PHB2: variants seen among roughly 807,000 people sequenced by gnomAD.
PHB2 encodes prohibitin 2, also known as prohibitin-2.
A neutral mutation model predicts 46.4 loss-of-function variants in PHB2; 22 were observed. That is an observed-to-expected ratio of 0.47 (90% CI 0.34 to 0.68). The LOEUF (loss-of-function observed/expected upper bound fraction) is 0.68, where lower values mean the gene tolerates loss of function less well. Ranked by LOEUF, PHB2 falls within the 30% of genes least tolerant of loss-of-function variation. The probability of loss-of-function intolerance (pLI) is 0.01; values close to 1 mark genes in which losing one functional copy is unlikely to be tolerated. For missense variants in PHB2, 305 were observed against 382.8 expected (o/e 0.80, Z 1.70); for synonymous variants, 156 against 150.5 (o/e 1.04, Z -0.27).
In PHB2 at chr12:6,970,255, G is replaced by T; in HGVS notation, c.153C>A (p.Phe51Leu). ...FTVEGGHRAI[F>L]FNRIGGVQQD... ...GCTGCACTCCACCGATCCGATTGAA[G>T]AAGATGGCTCTGTGCCCGCCTTCCA... Residue 51 changes from phenylalanine to leucine, a missense_variant, in exon 2 of 10, where the codon TTC becomes TTA. Phe to Leu is a conservative substitution (Grantham distance 22). This residue lies in a region of PHB2 where 4 missense variants were observed against 19.2 expected (regional missense o/e 0.21). Transcript: ENST00000535923. The T allele has an allele frequency of 6.2e-7, 1 of 1,613,846 alleles. No individual in the cohort carries two copies. Among genetic ancestry groups the T allele is most frequent in the Non-Finnish European group, 8.5e-7 (1 of 1,179,864 alleles).
intron 3 of PHB2, 94 bp from the exon 4 acceptor site, chr12:6,968,689 G>T: frequency 2.0e-6 from 2 of 981,800 alleles, no homozygotes; most frequent in Non-Finnish European, 3.2e-6. Context: ...CTGTGCAATG[G>T]TGTACAGCCT....
At position 6,967,029 on chromosome 12, in the gene PHB2, G is replaced by A. The variant is rs1305836247; in HGVS notation, c.789+142C>T. ...CTCCCAAAGTGCGGGGATTACATGC[G>A]TGAGCCACCGCGCCGGCCAGAGAAG... On this transcript the variant is annotated intron_variant, in intron 7 of 9. Transcript: ENST00000535923. The surrounding 1 kb of genome is among the most constrained non-coding windows in gnomAD (Gnocchi z 4.9). 1.9e-5 allele frequency: 13 copies of A among 701,954 alleles called. No individual in the cohort carries two copies. Among genetic ancestry groups the A allele is most frequent in the African/African-American group, 7.1e-5 (4 of 56,674 alleles). The allele number at this position is 701,954 out of a possible 1,614,324, so 43.5% of individuals were successfully genotyped here. A position where few individuals can be genotyped will look rare whatever the true frequency, so the allele number is the denominator to read the frequency against.
At chr12:6,968,111 T>G in intron 4 of PHB2, 90 bp from the exon 5 acceptor site, 1 of 1,155,876 alleles carries the variant, frequency 8.7e-7, no homozygotes. Context: ...CCCTTCACTC[T>G]CAATACAACA....
chr12:6,969,343 G>A (rs1051278383), intron 3 of PHB2, among the ~76,000 whole-genome samples, 155 bp downstream of exon 3: 6 of 152,208 alleles, frequency 3.9e-5, no homozygotes, highest in African/African-American at 1.4e-4. Context: ...TTCAGAATTT[G>A]CTGCTTTGAC....
intron 7 of PHB2, 88 bp from the exon 8 acceptor site, chr12:6,966,588 C>T (rs1946214905): frequency 2.4e-6 from 2 of 841,022 alleles, no homozygotes; most frequent in Non-Finnish European, 2.1e-6. Context: ...TAACATGGAA[C>T]ACATGCAGAT....
At chr12:6,969,403 C>A (rs1040250349) in intron 3 of PHB2, 95 bp downstream of exon 3, 8 of 627,750 alleles carry the variant, frequency 1.3e-5, no homozygotes, top group Admixed American at 5.2e-5. Flanking sequence ...TGGAAAGAGG[C>A]CTAAAGGCCT....
chr12:6,968,973 C>T (rs1276827146), intron 3 of PHB2, among the ~76,000 whole-genome samples: 8 of 152,160 alleles, frequency 5.3e-5, no homozygotes, highest in South Asian at 2.1e-4. Flanking sequence ...AATGAATAAG[C>T]GACCTGCACT....
intron 7 of PHB2, among the ~76,000 whole-genome samples, chr12:6,966,888 C>G (rs1946219764): frequency 6.6e-6 from 1 of 152,166 alleles, no homozygotes; most frequent in Non-Finnish European, 1.5e-5. Flanking sequence ...GGGAATATAG[C>G]TAAACGCCAC....
Position 6,967,342 on chromosome 12 carries a change from G to A in PHB2, c.712-94C>T. On this transcript the variant is annotated intron_variant, in intron 6 of 9. Coordinates refer to ENST00000535923, the MANE Select transcript of PHB2 (RefSeq NM_001144831.2). The surrounding 1 kb of genome is among the most constrained non-coding windows in gnomAD (Gnocchi z 4.9). ...GCTCCAGTCCTCCTCTGGGCTGTCA[G>A]ATCCAAGGTTGCGCTCAGGTGGCTT... 1 of 1,611,666 alleles carries A rather than the reference G, an allele frequency of 6.2e-7. No homozygotes were observed.
At position 6,970,354 on chromosome 12, in the gene PHB2, G is replaced by A. The variant is rs1591704126; in HGVS notation, c.127+63C>T. 2.5e-6 allele frequency: 4 copies of A among 1,603,690 alleles called. No individual in the cohort carries two copies. In the East Asian group the frequency reaches 8.9e-5, roughly 36 times the overall value. On this transcript the variant is annotated intron_variant, in intron 1 of 9. Coordinates refer to ENST00000535923, the MANE Select transcript of PHB2 (RefSeq NM_001144831.2). The stretch of plus-strand genomic sequence containing the variant: ...TGCTAGGCCCGTGGAGGGGCGCGGG[G>A]ACAGGGCAAGGGGTTTGGGGGAGGG...
In PHB2 at chr12:6,967,197, G is replaced by A; in HGVS notation, c.763C>T (p.Arg255Ter). 5 of 1,597,708 alleles carry A rather than the reference G, an allele frequency of 3.1e-6. No individual in the cohort carries two copies. Among genetic ancestry groups the A allele is most frequent in the Non-Finnish European group, 4.3e-6 (5 of 1,171,822 alleles). ...NPGYIKLRKIRAAQNISKTIA... is the reference protein window; with the variant it reads ...NPGYIKLRKI ...GTCTTGGAGATATTCTGGGCTGCTC[G>A]AATCTTGCGAAGTTTGATGTAGCCA... Residue 255 changes from arginine (R) to a stop codon, truncating the protein, a stop_gained, in exon 7 of 10, where the codon CGA becomes TGA. Coordinates refer to ENST00000535923, the MANE Select transcript of PHB2 (RefSeq NM_001144831.2). LOFTEE classifies it high-confidence loss of function. This position sits in a 1 kb window ranked among gnomAD's most constrained non-coding sequence, Gnocchi z 4.9.
chr12:6,967,844 C>T lies in PHB2; in HGVS notation c.607+48G>A. ...AGGAGCCCCACCCATGGAGTCTTTC[C>T]TCCTCCTGCATCTCAGAAGCCCTCA... On this transcript the variant is annotated intron_variant, in intron 5 of 9. Coordinates refer to ENST00000535923, the MANE Select transcript of PHB2 (RefSeq NM_001144831.2). The surrounding 1 kb of genome is among the most constrained non-coding windows in gnomAD (Gnocchi z 4.9). The T allele has an allele frequency of 6.2e-7, 1 of 1,610,286 alleles. No homozygotes were observed. The highest frequency in any genetic ancestry group is 8.5e-7 in the Non-Finnish European group (1 of 1,177,286).
chr12:6,966,256 A>T (rs782236392), intron 8 of PHB2, among the ~76,000 whole-genome samples, 168 bp downstream of exon 8: 1 of 152,236 alleles, frequency 6.6e-6, no homozygotes, highest in Non-Finnish European at 1.5e-5. Context: ...GATCTCATAA[A>T]ATCAATCCTA....
rs782611701 is a variant in PHB2, at chr12:6,967,185, T to C, written c.775A>G (p.Asn259Asp). The change falls in exon 7 of 10, where the codon AAT (asparagine) becomes GAT (aspartate). Residue 259 changes from asparagine to aspartate, a missense_variant. Around this residue, in one of 3 missense-constraint regions of PHB2, gnomAD observed 241 missense variants for 302.7 expected, o/e 0.80. Coordinates refer to ENST00000535923, the MANE Select transcript of PHB2 (RefSeq NM_001144831.2). This position sits in a 1 kb window ranked among gnomAD's most constrained non-coding sequence, Gnocchi z 4.9. The stretch of plus-strand genomic sequence containing the variant: ...GACACACTCACCGTCTTGGAGATAT[T>C]CTGGGCTGCTCGAATCTTGCGAAGT... ...IKLRKIRAAQ[N>D]ISKTIATSQN... 1.7e-5 allele frequency: 27 copies of C among 1,582,744 alleles called. No homozygotes were observed. Among genetic ancestry groups the C allele is most frequent in the African/African-American group, 4.0e-5 (3 of 74,240 alleles).
Position 6,970,579 on chromosome 12 carries a change from A to G in PHB2, c.-36T>C. On this transcript the variant is annotated 5_prime_UTR_variant, in exon 1 of 10. Transcript: ENST00000535923. ...GAGGCCGGCGGCACTGGAGGTCAGA[A>G]GGGGGTGCCGGCCCGCCTCTACCCC... 1 of 1,551,186 alleles carries G rather than the reference A, an allele frequency of 6.4e-7. No homozygotes were observed. Among genetic ancestry groups the G allele is most frequent in the South Asian group, 1.2e-5 (1 of 80,560 alleles).
rs376647848 is a variant in PHB2, at chr12:6,965,881, C to G, written c.872+30G>C. The G allele has an allele frequency of 2.5e-6, 4 of 1,598,452 alleles. No homozygotes were observed. In the African/African-American group the frequency reaches 4.0e-5, roughly 16 times the overall value. On this transcript the variant is annotated intron_variant, in intron 9 of 9. Coordinates refer to ENST00000535923, the MANE Select transcript of PHB2 (RefSeq NM_001144831.2). Reference sequence around the variant, plus strand: ...GGCGGGTACTGGAGAAGGTGGCCTGCAGGACCCCACAGAAGCAACAACAGC... The same window carrying G: ...GGCGGGTACTGGAGAAGGTGGCCTGGAGGACCCCACAGAAGCAACAACAGC...
intron 8 of PHB2, 43 bp downstream of exon 8, chr12:6,966,381 C>A: frequency 8.3e-7 from 1 of 1,211,460 alleles, no homozygotes; most frequent in South Asian, 1.2e-5. Flanking sequence ...GACTCAGGTC[C>A]CACGTTCTTG....
intron 8 of PHB2, 131 bp from the exon 9 acceptor site, chr12:6,966,047 C>T (rs1946207007): frequency 2.1e-6 from 2 of 965,670 alleles, no homozygotes; most frequent in East Asian, 2.6e-5. Context: ...GGGTTGACAG[C>T]CAGGAATCTC....
rs139605168 is a variant in PHB2 at position 6,965,592 on chromosome 12, C to T, written c.*93G>A. On this transcript the variant is annotated 3_prime_UTR_variant, in exon 10 of 10. Transcript: ENST00000535923. The stretch of plus-strand genomic sequence containing the variant: ...GGGGGACCATCGCATGATACTGGGG[C>T]GGGGTAGGGCTGTGCTGGACCCCTG... 2,588 of 948,100 alleles carry T rather than the reference C, an allele frequency of 2.7e-3. 41 individuals are homozygous for T. The highest frequency in any genetic ancestry group is 0.024 in the South Asian group (1,748 of 73,162). The allele number at this position is 948,100 out of a possible 1,614,324, so 58.7% of individuals were successfully genotyped here. A position where few individuals can be genotyped will look rare whatever the true frequency, so the allele number is the denominator to read the frequency against.
Sources: allele counts gnomAD v4.1 joint callset (sites outside exome capture counted in the v4.1 genomes callset), GRCh38; gene constraint gnomAD v4.1.1; regional missense constraint gnomAD v4.1.1; non-coding constraint Gnocchi (gnomAD v3.1); transcripts MANE v1.5; gene names NCBI Gene and HGNC (gene_info 2026-07-23, HGNC 2026-07-21).